Variants in LRRC37A3 observed in about 807,000 individuals in gnomAD.
The protein encoded by LRRC37A3 is leucine-rich repeat-containing protein 37A3.
Under a neutral mutation model 106.2 loss-of-function variants are expected in LRRC37A3, and 25 were observed. That is an observed-to-expected ratio of 0.24 (90% CI 0.17 to 0.33). The LOEUF (loss-of-function observed/expected upper bound fraction) is 0.33, where lower values mean the gene tolerates loss of function less well. LRRC37A3 is among the 10% of genes least tolerant of loss of function. The pLI is 1.00. For synonymous variants in LRRC37A3, 305 were observed against 635.8 expected (o/e 0.48, Z 7.83); for missense variants, 712 against 1,644.9 (o/e 0.43, Z 9.81).
chr17:64,861,494 G>A (rs947520177), intron 11 of LRRC37A3, among the ~76,000 whole-genome samples: 2 of 152,210 alleles, frequency 1.3e-5, no homozygotes, highest in African/African-American at 4.8e-5. Flanking sequence ...TCCCATTGCT[G>A]ACAGATCCTC....
chr17:64,860,378 A>C lies in LRRC37A3; in HGVS notation c.3768T>G (p.Pro1256=), dbSNP rs2143378944. The change falls in exon 12 of 15, where the codon CCT becomes CCG. Residue 1256 remains proline, a synonymous_variant. Coordinates refer to ENST00000584306, the MANE Select transcript of LRRC37A3 (RefSeq NM_199340.5). ...SVLKPFSKGA[P]STSSPAKALP... ...GGGCTTTTGCAGGGCTGGAGGTAGA[A>C]GGCGCGCCCTTGGAGAAGGGTTTCA... 6.2e-7 allele frequency: 1 copy of C among 1,613,934 alleles called. No homozygotes were observed. Among genetic ancestry groups the C allele is most frequent in the Admixed American group, 1.7e-5 (1 of 60,010 alleles).
At chr17:64,881,252 CTTTTTTTT>C (rs1567774622) in intron 8 of LRRC37A3, 1 of 695,354 alleles carries the variant, frequency 1.4e-6, no homozygotes, top group East Asian at 2.7e-5. Context: ...CTTTTCTTTT[CTTTTTTTT>C]GAGATGAAGT....
chr17:64,868,881 A>G (rs1378674848), intron 9 of LRRC37A3, among the ~76,000 whole-genome samples: 1 of 152,202 alleles, frequency 6.6e-6, no homozygotes, highest in East Asian at 1.9e-4. Flanking sequence ...TTGCAAATCT[A>G]TATGGGTTCT....
At chr17:64,876,633 A>G (rs1465962106) in intron 8 of LRRC37A3, among the ~76,000 whole-genome samples, 2 of 152,254 alleles carry the variant, frequency 1.3e-5, no homozygotes, top group African/African-American at 4.8e-5. Context: ...TGAAAGACAC[A>G]TTACCAGAAA....
intron 8 of LRRC37A3, among the ~76,000 whole-genome samples, chr17:64,870,694 C>T (rs996104196): frequency 2.6e-5 from 4 of 152,184 alleles, no homozygotes; most frequent in Admixed American, 2.6e-4. Flanking sequence ...GTAATTTGAA[C>T]TCATGTGTTT....
intron 5 of LRRC37A3, among the ~76,000 whole-genome samples, chr17:64,891,540 C>T (rs2143544118): frequency 7.0e-6 from 1 of 143,338 alleles, no homozygotes; most frequent in East Asian, 2.0e-4. Context: ...AATACTTGCA[C>T]ATGTTCACAA....
At chr17:64,874,032 A>G (rs927622439) in intron 8 of LRRC37A3, among the ~76,000 whole-genome samples, 1 of 152,222 alleles carries the variant, frequency 6.6e-6, no homozygotes, top group Non-Finnish European at 1.5e-5. Context: ...ATATCTTGAA[A>G]GCAGCAAGAG....
intron 10 of LRRC37A3, among the ~76,000 whole-genome samples, chr17:64,867,521 G>GA (rs1322862639): frequency 2.0e-5 from 3 of 152,058 alleles, no homozygotes; most frequent in African/African-American, 7.3e-5. Flanking sequence ...TCTTTTTTAT[G>GA]AAATGACATA....
intron 3 of LRRC37A3, 25 bp from the exon 4 acceptor site, chr17:64,897,679 C>A (rs1378231387): frequency 2.5e-6 from 2 of 792,342 alleles, no homozygotes; most frequent in African/African-American, 5.5e-5. Context: ...CCAGGATGCA[C>A]ATTACAGTCA....
chr17:64,910,493 G>C (rs1425654606), intron 2 of LRRC37A3, among the ~76,000 whole-genome samples: 1 of 152,160 alleles, frequency 6.6e-6, no homozygotes, highest in Admixed American at 6.5e-5. Flanking sequence ...GAGATGCAGG[G>C]GTAAAGTCAT....
chr17:64,919,055 C>T (rs945291556), intron 1 of LRRC37A3, among the ~76,000 whole-genome samples, 185 bp from the exon 2 acceptor site: 3 of 151,926 alleles, frequency 2.0e-5, no homozygotes, highest in Non-Finnish European at 4.4e-5. Context: ...CTACTGCTGC[C>T]CCCCCTGGGC....
chr17:64,918,801 G>C lies in LRRC37A3; in HGVS notation c.-547C>G, dbSNP rs1312822176. On this transcript the variant is annotated 5_prime_UTR_variant, in exon 2 of 15. It introduces an in-frame stop codon into an upstream open reading frame of the 5' UTR. Coordinates refer to ENST00000584306, the MANE Select transcript of LRRC37A3 (RefSeq NM_199340.5). ...TATAATCCCAACACTTTGGGAAGCT[G>C]AGGCGGGCGGATCGCCTGAGCTCAG... 1 of 464,478 alleles carries C rather than the reference G, an allele frequency of 2.2e-6. No homozygotes were observed. Among genetic ancestry groups the C allele is most frequent in the Non-Finnish European group, 3.8e-6 (1 of 260,706 alleles). 28.8% of individuals were successfully genotyped at this position (464,478 alleles called of 1,614,324 possible). A position where few individuals can be genotyped will look rare whatever the true frequency, so the allele number is the denominator to read the frequency against.
At chr17:64,876,559 T>C (rs1184431271) in intron 8 of LRRC37A3, among the ~76,000 whole-genome samples, 1 of 152,144 alleles carries the variant, frequency 6.6e-6, no homozygotes, top group Non-Finnish European at 1.5e-5. Flanking sequence ...ATAAAAAGGA[T>C]TATAATATGA....
chr17:64,899,503 T>C (rs1290134013), intron 2 of LRRC37A3, among the ~76,000 whole-genome samples: 1 of 141,712 alleles, frequency 7.1e-6, no homozygotes, highest in Non-Finnish European at 1.5e-5. Context: ...CACCATCATA[T>C]ATGTGGTCTA....
At chr17:64,915,902 A>T (rs934362413) in intron 2 of LRRC37A3, among the ~76,000 whole-genome samples, 3 of 151,744 alleles carry the variant, frequency 2.0e-5, no homozygotes, top group African/African-American at 7.3e-5. Flanking sequence ...GTTCAAGACC[A>T]GCCTGGGCAA....
chr17:64,916,350 A>T (rs1360948500), intron 2 of LRRC37A3, among the ~76,000 whole-genome samples: 1 of 152,160 alleles, frequency 6.6e-6, no homozygotes, highest in Non-Finnish European at 1.5e-5. Flanking sequence ...GCTTGCAGTG[A>T]GTCAAGATCG....
chr17:64,879,095 G>T (rs914064966), intron 8 of LRRC37A3, among the ~76,000 whole-genome samples: 1 of 151,572 alleles, frequency 6.6e-6, no homozygotes, highest in East Asian at 1.9e-4. Flanking sequence ...TGTATGATTC[G>T]TTTATATGAA....
chr17:64,856,838 A>G (rs1972693501), intron 13 of LRRC37A3, among the ~76,000 whole-genome samples: 1 of 151,438 alleles, frequency 6.6e-6, no homozygotes, highest in Admixed American at 6.6e-5. Context: ...CTACAAACAC[A>G]TTTTTTAAAT....
At chr17:64,854,923 C>T (rs1321788563) in intron 14 of LRRC37A3, among the ~76,000 whole-genome samples, 3 of 152,202 alleles carry the variant, frequency 2.0e-5, no homozygotes, top group Non-Finnish European at 2.9e-5. Flanking sequence ...CTGCAACCTG[C>T]GCCTCCTGGC....
Sources: gnomAD v4.1 joint callset for allele counts (sites outside exome capture counted in the v4.1 genomes callset) on GRCh38, gnomAD v4.1.1 for gene constraint, MANE v1.5 for transcripts, NCBI Gene and HGNC (gene_info 2026-07-23, HGNC 2026-07-21) for gene names.